Variants in CDH19 observed in about 807,000 individuals in gnomAD.
CDH19 encodes cadherin 19.
A neutral mutation model predicts 64.2 loss-of-function variants in CDH19; 67 were observed. That is an observed-to-expected ratio of 1.04 (90% CI 0.86 to 1.28). The LOEUF (loss-of-function observed/expected upper bound fraction) is 1.28, where lower values mean the gene tolerates loss of function less well. Among genes scored for constraint, CDH19 ranks in the 50% most tolerant of loss-of-function variants. CDH19 has a pLI of 0.00. For missense variants in CDH19, 1,030 were observed against 929.0 expected (o/e 1.11, Z -1.41); for synonymous variants, 346 against 319.3 (o/e 1.08, Z -0.89).
intron 1 of CDH19, chr18:66,596,402 C>A (rs1210197004): frequency 6.6e-6 from 1 of 152,030 alleles, no homozygotes; most frequent in Admixed American, 6.6e-5. Flanking sequence ...TGATTCTATA[C>A]CTAGAAAAGT....
chr18:66,565,043 C>G (rs1987859220), intron 3 of CDH19, among the ~76,000 whole-genome samples: 1 of 151,796 alleles, frequency 6.6e-6, no homozygotes, highest in African/African-American at 2.4e-5. Context: ...ACTTATTTAG[C>G]ATTTTTTTGT....
At chr18:66,524,542 G>GTGTATATATA (rs74173408) in intron 9 of CDH19, among the ~76,000 whole-genome samples, 15 of 94,574 alleles carry the variant, frequency 1.6e-4, no homozygotes, top group African/African-American at 4.5e-4. Flanking sequence ...ATGTTTGTGT[G>GTGTATATATA]TATATATATA....
At chr18:66,597,327 C>T (rs145155351) in intron 1 of CDH19, among the ~76,000 whole-genome samples, 20 of 151,922 alleles carry the variant, frequency 1.3e-4, no homozygotes, top group South Asian at 1.2e-3. Flanking sequence ...ATCTGATCTT[C>T]GATGAAGCCA....
intron 7 of CDH19, among the ~76,000 whole-genome samples, chr18:66,543,072 C>G (rs577231267): frequency 3.9e-4 from 60 of 152,282 alleles, no homozygotes; most frequent in Non-Finnish European, 7.8e-4. Flanking sequence ...GTCACCCAGG[C>G]CGGAGTGCAG....
intron 1 of CDH19, among the ~76,000 whole-genome samples, chr18:66,598,219 C>T (rs1311372088): frequency 6.6e-6 from 1 of 152,042 alleles, no homozygotes; most frequent in African/African-American, 2.4e-5. Flanking sequence ...TTAGTTCAGC[C>T]ACTATGAAAA....
chr18:66,585,469 G>A (rs1168586165), intron 1 of CDH19, among the ~76,000 whole-genome samples: 5 of 151,944 alleles, frequency 3.3e-5, no homozygotes, highest in African/African-American at 7.2e-5. Context: ...CTCGACCTCT[G>A]GTTGTCTCAG....
At chr18:66,541,600 T>C (rs1175053957) in intron 7 of CDH19, among the ~76,000 whole-genome samples, 1 of 152,104 alleles carries the variant, frequency 6.6e-6, no homozygotes, top group African/African-American at 2.4e-5. Flanking sequence ...TCAAGCTATA[T>C]CATATGAAAA....
At chr18:66,532,730 T>C (rs1265969518) in intron 8 of CDH19, 4 of 451,774 alleles carry the variant, frequency 8.9e-6, no homozygotes, top group East Asian at 7.0e-5. Flanking sequence ...TGGGGAAGGA[T>C]AGGAGACTCA....
At chr18:66,564,526 G>A (rs1987834708) in intron 3 of CDH19, among the ~76,000 whole-genome samples, 1 of 151,912 alleles carries the variant, frequency 6.6e-6, no homozygotes, top group Non-Finnish European at 1.5e-5. Context: ...AAGCTCCAAA[G>A]AGAGTGGATA....
chr18:66,501,263 G>A lies in CDH19; in HGVS notation c.*3549C>T, dbSNP rs922243748. The A allele has an allele frequency of 1.3e-5, 2 of 152,030 alleles. No homozygotes were observed. Among genetic ancestry groups the A allele is most frequent in the Non-Finnish European group, 2.9e-5 (2 of 68,020 alleles). 9.4% of individuals were successfully genotyped at this position (152,030 alleles called of 1,614,324 possible). A position where few individuals can be genotyped will look rare whatever the true frequency, so the allele number is the denominator to read the frequency against. On this transcript the variant is annotated 3_prime_UTR_variant, in exon 12 of 12. Coordinates refer to ENST00000262150, the MANE Select transcript of CDH19 (RefSeq NM_021153.4). ...TTTTTATACGATGATAAATGAACAA[G>A]ACTGACAATTTCTTGCCCATTAAGG...
chr18:66,532,672 C>T, intron 8 of CDH19: 1 of 442,464 alleles, frequency 2.3e-6, no homozygotes, highest in Non-Finnish European at 4.5e-6. Flanking sequence ...GTGACCATCT[C>T]TTTGAAATGT....
intron 5 of CDH19, among the ~76,000 whole-genome samples, chr18:66,546,819 G>A (rs138083995): frequency 3.3e-4 from 50 of 152,142 alleles, no homozygotes; most frequent in East Asian, 1.9e-3. Flanking sequence ...AAAAGCCAGC[G>A]AGCCTGGAGT....
intron 3 of CDH19, among the ~76,000 whole-genome samples, chr18:66,562,186 C>A (rs1042033140): frequency 6.6e-6 from 1 of 151,656 alleles, no homozygotes; most frequent in Non-Finnish European, 1.5e-5. Context: ...AGTTATTGTG[C>A]ACTTTATTTC....
intron 1 of CDH19, among the ~76,000 whole-genome samples, chr18:66,594,065 G>C (rs1988815718): frequency 6.6e-6 from 1 of 152,128 alleles, no homozygotes. Flanking sequence ...GCTCAAAGTA[G>C]AGGAATGGAG....
chr18:66,551,944 C>A (rs2144516358), intron 4 of CDH19, among the ~76,000 whole-genome samples: 1 of 151,826 alleles, frequency 6.6e-6, no homozygotes, highest in East Asian at 1.9e-4. Context: ...CATAAACAGT[C>A]ACAAAAAATA....
At chr18:66,540,282 C>T (rs192547821) in intron 7 of CDH19, among the ~76,000 whole-genome samples, 42 of 152,092 alleles carry the variant, frequency 2.8e-4, no homozygotes, top group Admixed American at 2.5e-3. Flanking sequence ...GGAAATAATA[C>T]ACCATCTTTC....
At chr18:66,529,097 G>C (rs1598983958) in intron 9 of CDH19, among the ~76,000 whole-genome samples, 1 of 151,944 alleles carries the variant, frequency 6.6e-6, no homozygotes, top group South Asian at 2.1e-4. Flanking sequence ...AAATAAAAAA[G>C]TGAGCAGCAG....
chr18:66,550,727 A>T, intron 5 of CDH19, among the ~76,000 whole-genome samples: 1 of 152,224 alleles, frequency 6.6e-6, no homozygotes, highest in South Asian at 2.1e-4. Context: ...TCAATAAAAC[A>T]GAGACCTTAA....
At chr18:66,591,329 A>G (rs1988737817) in intron 1 of CDH19, among the ~76,000 whole-genome samples, 1 of 151,940 alleles carries the variant, frequency 6.6e-6, no homozygotes, top group Admixed American at 6.6e-5. Context: ...AGTGCATAAG[A>G]TAATCACTGG....
Sources: gnomAD v4.1 joint callset for allele counts (sites outside exome capture counted in the v4.1 genomes callset) on GRCh38, gnomAD v4.1.1 for gene constraint, MANE v1.5 for transcripts, NCBI Gene and HGNC (gene_info 2026-07-23, HGNC 2026-07-21) for gene names.